Variants in ABCB4 observed in about 807,000 individuals in gnomAD.
ABCB4 encodes the protein phosphatidylcholine translocator ABCB4.
A neutral mutation model predicts 145.7 loss-of-function variants in ABCB4; 76 were observed. The ratio of observed to expected loss-of-function variants is 0.52; its 90% CI spans 0.43 to 0.63. ABCB4 has a LOEUF of 0.63. ABCB4 is among the 30% of genes least tolerant of loss of function. The pLI is 0.00. For missense variants in ABCB4, 1,234 were observed against 1,553.1 expected (o/e 0.79, Z 3.45); for synonymous variants, 517 against 566.8 (o/e 0.91, Z 1.25).
the ABCB4 span, among the ~76,000 whole-genome samples, chr7:87,395,483 G>A: frequency 1.3e-5 from 2 of 152,154 alleles, no homozygotes; most frequent in African/African-American, 2.4e-5. Context: ...GCAAGCATCA[G>A]GCTTTAAGGC....
chr7:87,409,543 T>A, intron 23 of ABCB4, 151 bp from the exon 24 acceptor site: 1 of 831,274 alleles, frequency 1.2e-6, no homozygotes, highest in Non-Finnish European at 1.9e-6. Context: ...AAAATTCTAG[T>A]AACAAGAGAA....
chr7:87,439,925 A>G, intron 13 of ABCB4, 88 bp from the exon 14 acceptor site: 1 of 1,536,432 alleles, frequency 6.5e-7, no homozygotes, highest in Non-Finnish European at 9.0e-7. Flanking sequence ...GACAACATGG[A>G]GCTTTGTCTT....
At chr7:87,472,904 A>G (rs1345749126) in intron 2 of ABCB4, among the ~76,000 whole-genome samples, 2 of 152,248 alleles carry the variant, frequency 1.3e-5, no homozygotes, top group Non-Finnish European at 2.9e-5. Flanking sequence ...CCTGCCTTAC[A>G]GAGCTCACAT....
chr7:87,444,383 T>C (rs1811200480), intron 10 of ABCB4, among the ~76,000 whole-genome samples: 2 of 152,222 alleles, frequency 1.3e-5, no homozygotes, highest in South Asian at 4.1e-4. Flanking sequence ...AAACTTTTTC[T>C]TTTTCACTGT....
downstream of ABCB4, chr7:87,398,524 G>T: frequency 6.2e-7 from 1 of 1,613,532 alleles, no homozygotes; most frequent in Non-Finnish European, 8.5e-7. Flanking sequence ...TGCTTCACAG[G>T]TTTGTTGTGG....
At chr7:87,400,932 T>C (rs770781876), downstream of ABCB4, among the ~76,000 whole-genome samples, 6 of 152,212 alleles carry the variant, frequency 3.9e-5, no homozygotes, top group Non-Finnish European at 7.3e-5. Context: ...TTGCCTGATG[T>C]GAATAATCAC....
chr7:87,457,347 C>T (rs1812164349), intron 4 of ABCB4, among the ~76,000 whole-genome samples: 1 of 152,066 alleles, frequency 6.6e-6, no homozygotes, highest in South Asian at 2.1e-4. Flanking sequence ...GAGCTCAAGG[C>T]TGGAGTGAGC....
the ABCB4 span, among the ~76,000 whole-genome samples, chr7:87,368,562 A>G: frequency 1.3e-5 from 2 of 152,210 alleles, no homozygotes; most frequent in Admixed American, 6.5e-5. Context: ...GTTCTTCCTC[A>G]TAGTTGATGA....
At chr7:87,392,816 T>A in the ABCB4 span, 1 of 1,613,486 alleles carries the variant, frequency 6.2e-7, no homozygotes, top group Non-Finnish European at 8.5e-7. Flanking sequence ...CCCACTTTTT[T>A]CCAAAAGGTA....
In ABCB4 at chr7:87,423,987, G is replaced by A; in HGVS notation, c.2130C>T (p.Tyr710=). The A allele has an allele frequency of 6.2e-7, 1 of 1,614,092 alleles. No individual in the cohort carries two copies. Among genetic ancestry groups the A allele is most frequent in the Non-Finnish European group, 8.5e-7 (1 of 1,179,988 alleles). Residue 710 remains tyrosine, a synonymous_variant, in exon 17 of 28, where the codon TAC becomes TAT. Coordinates refer to ENST00000649586, the MANE Select transcript of ABCB4 (RefSeq NM_000443.4). The part of the protein sequence containing the change: ...VLKLNKTEWP[Y]FVVGTVCAIA... The stretch of plus-strand genomic sequence containing the variant: ...TGGCACATACTGTTCCCACGACAAA[G>A]TAGGGCCATTCTGTTTTATTCAGTT...
intron 3 of ABCB4, among the ~76,000 whole-genome samples, chr7:87,468,992 G>A (rs921796939): frequency 2.1e-4 from 23 of 107,828 alleles, no homozygotes; most frequent in African/African-American, 6.3e-4. Context: ...CTGGCAAACC[G>A]AATCCAGCAG....
the ABCB4 span, chr7:87,391,773 G>A: frequency 7.2e-6 from 11 of 1,523,954 alleles, no homozygotes; most frequent in East Asian, 1.2e-4. Flanking sequence ...AGGAACCGTG[G>A]TCTTTGAGTA....
intron 3 of ABCB4, among the ~76,000 whole-genome samples, chr7:87,471,887 G>A (rs1269769736): frequency 6.6e-6 from 1 of 152,178 alleles, no homozygotes; most frequent in Non-Finnish European, 1.5e-5. Context: ...GAAACCAAAT[G>A]TGAATGTAGA....
At chr7:87,422,867 C>G (rs1371221975) in intron 17 of ABCB4, among the ~76,000 whole-genome samples, 1 of 152,110 alleles carries the variant, frequency 6.6e-6, no homozygotes, top group Non-Finnish European at 1.5e-5. Context: ...GCATGTCTTC[C>G]CCGACAGAAA....
intron 17 of ABCB4, among the ~76,000 whole-genome samples, chr7:87,422,705 T>C (rs1016690931): frequency 3.3e-5 from 5 of 152,200 alleles, no homozygotes; most frequent in Non-Finnish European, 4.4e-5. Context: ...TCTCATTCCA[T>C]CAGGCTTCCA....
At chr7:87,433,669 G>GTTTTTTTTTTTTTT (rs752621529) in intron 14 of ABCB4, among the ~76,000 whole-genome samples, 1 of 124,052 alleles carries the variant, frequency 8.1e-6, no homozygotes, top group African/African-American at 3.9e-5. Flanking sequence ...ACAAAAAATT[G>GTTTTTTTTTTTTTT]TTGTTGTTTT....
At chr7:87,432,870 G>A (rs891476301) in intron 14 of ABCB4, among the ~76,000 whole-genome samples, 19 of 152,120 alleles carry the variant, frequency 1.2e-4, no homozygotes, top group Admixed American at 1.2e-3. Context: ...GCATGTGTTT[G>A]TATCTCAATT....
At chr7:87,449,500 T>A (rs1562985769) in intron 8 of ABCB4, among the ~76,000 whole-genome samples, 2 of 151,710 alleles carry the variant, frequency 1.3e-5, no homozygotes, top group Non-Finnish European at 2.9e-5. Flanking sequence ...CAGGCTGGAG[T>A]TCAGCTCACT....
chr7:87,375,971 C>CTT, the ABCB4 span: 89,197 of 1,196,516 alleles, frequency 0.075, no homozygotes, highest in Non-Finnish European at 0.082. Flanking sequence ...ACTACCTTCT[C>CTT]TTTTTTTTTT....
Sources: gnomAD v4.1 joint callset for allele counts (sites outside exome capture counted in the v4.1 genomes callset) on GRCh38, gnomAD v4.1.1 for gene constraint, MANE v1.5 for transcripts, NCBI Gene and HGNC (gene_info 2026-07-23, HGNC 2026-07-21) for gene names.